The following ALCAM variants were observed in gnomAD, a reference collection of about 807,000 sequenced individuals.
ALCAM encodes the protein CD166 antigen.
ALCAM carries 30 observed loss-of-function variants against 70.9 expected under a neutral mutation model. That is an observed-to-expected ratio of 0.42 (90% CI 0.32 to 0.57). The LOEUF (loss-of-function observed/expected upper bound fraction) is 0.57, where lower values mean the gene tolerates loss of function less well. Among genes scored for constraint, ALCAM ranks in the 20% least tolerant of loss-of-function variants. ALCAM has a pLI of 0.11. For synonymous variants in ALCAM, 249 were observed against 242.5 expected (o/e 1.03, Z -0.25); for missense variants, 591 against 695.1 (o/e 0.85, Z 1.68).
At chr3:105,529,709 G>A (rs1447432532) in intron 3 of ALCAM, among the ~76,000 whole-genome samples, 1 of 151,944 alleles carries the variant, frequency 6.6e-6, no homozygotes, top group Non-Finnish European at 1.5e-5. Context: ...TCATTTCATT[G>A]AAAAAATAAG....
chr3:105,443,472 T>C (rs977563681), intron 1 of ALCAM, among the ~76,000 whole-genome samples: 4 of 152,140 alleles, frequency 2.6e-5, no homozygotes, highest in East Asian at 1.9e-4. Context: ...AATAAAACCA[T>C]AGGTATCTAA....
chr3:105,371,656 A>G (rs1329516708), intron 1 of ALCAM, among the ~76,000 whole-genome samples: 1 of 152,032 alleles, frequency 6.6e-6, no homozygotes, highest in African/African-American at 2.4e-5. Flanking sequence ...AGTATTTTAA[A>G]TGCTTTATAA....
At chr3:105,421,070 C>A (rs560478787) in intron 1 of ALCAM, among the ~76,000 whole-genome samples, 2 of 151,458 alleles carry the variant, frequency 1.3e-5, no homozygotes, top group East Asian at 3.9e-4. Flanking sequence ...ATTCCTCAGG[C>A]AGTACTTAAA....
chr3:105,373,344 C>T (rs749540771), intron 1 of ALCAM, among the ~76,000 whole-genome samples: 1 of 152,072 alleles, frequency 6.6e-6, no homozygotes, highest in Non-Finnish European at 1.5e-5. Flanking sequence ...GATGATTTCA[C>T]TAGAGAAGTT....
chr3:105,545,182 A>G (rs1334949455), intron 8 of ALCAM, 41 bp from the exon 9 acceptor site: 1 of 1,280,100 alleles, frequency 7.8e-7, no homozygotes. Context: ...ACTATCTTAC[A>G]TTTCAGAGTT....
intron 14 of ALCAM, among the ~76,000 whole-genome samples, chr3:105,569,927 A>C (rs886424093): frequency 6.6e-6 from 1 of 152,194 alleles, no homozygotes; most frequent in Admixed American, 6.5e-5. Context: ...CCTTAGGAAT[A>C]GGAGCAAGCC....
At position 105,576,619 on chromosome 3, in the gene ALCAM, G is replaced by GA. The variant is rs200272470; in HGVS notation, c.*2177dup. The GA allele has an allele frequency of 8.0e-5, 12 of 150,924 alleles. No individual in the cohort carries two copies. Among genetic ancestry groups the GA allele is most frequent in the South Asian group, 2.1e-4 (1 of 4,778 alleles). The allele number at this position is 150,924 out of a possible 1,614,324, so 9.3% of individuals were successfully genotyped here. On this transcript the variant is annotated 3_prime_UTR_variant, in exon 16 of 16. Transcript: ENST00000306107. The stretch of plus-strand genomic sequence containing the variant: ...GGACCGAAAGCAGAAAGTTTGCCGG[G>GA]AAAAAAAAAGACAACATTATTACCA...
intron 1 of ALCAM, among the ~76,000 whole-genome samples, chr3:105,466,414 G>A (rs184673732): frequency 1.8e-3 from 277 of 151,558 alleles, no homozygotes; most frequent in African/African-American, 5.6e-3. Flanking sequence ...TTTATTTAAC[G>A]ATTACTGATT....
At position 105,394,393 on chromosome 3, in the gene ALCAM, T is replaced by A. The variant is rs4894924; in HGVS notation, c.73+26912T>A. ...TATCTCCTGCAGAGCAAACACGTCATGATCTGGAAATGACTGCATTTCCTC... is the reference window on the plus strand; with the variant it reads ...TATCTCCTGCAGAGCAAACACGTCAAGATCTGGAAATGACTGCATTTCCTC... On this transcript the variant is annotated intron_variant, in intron 1 of 15. Coordinates refer to ENST00000306107, the MANE Select transcript of ALCAM (RefSeq NM_001627.4). Among the ~76,000 whole-genome samples the A allele has an allele frequency of 9.8e-3, 1,490 of 151,686 alleles. 13 individuals carry two copies. The highest frequency in any genetic ancestry group is 0.035 in the East Asian group (180 of 5,112).
At chr3:105,511,940 A>G (rs1218982008) in intron 1 of ALCAM, among the ~76,000 whole-genome samples, 1 of 151,960 alleles carries the variant, frequency 6.6e-6, no homozygotes, top group Non-Finnish European at 1.5e-5. Context: ...CTCAATTATA[A>G]CACAGCATTT....
intron 1 of ALCAM, among the ~76,000 whole-genome samples, chr3:105,509,994 A>G (rs1939192600): frequency 6.6e-6 from 1 of 152,006 alleles, no homozygotes; most frequent in South Asian, 2.1e-4. Flanking sequence ...GGAATTTCAT[A>G]GTCTACTAAT....
rs1230513782 is a variant in ALCAM, at chr3:105,543,523, T to TC, written c.992-1700_992-1699insC. Among the ~76,000 whole-genome samples the TC allele has an allele frequency of 5.5e-4, 83 of 151,518 alleles. 1 individual carries two copies. The South Asian group carries it at 0.011, about 19-fold the overall frequency. On this transcript the variant is annotated intron_variant, in intron 8 of 15. Transcript: ENST00000306107. ...GCTTGCTTATTTTCCAAAAACAAGA[T>TC]TTGTTTCCTTTTCAAACATGTCTAA...
chr3:105,538,036 AT>A (rs1445108594), intron 6 of ALCAM, among the ~76,000 whole-genome samples: 2 of 152,244 alleles, frequency 1.3e-5, no homozygotes, highest in East Asian at 3.9e-4. Context: ...AGGCTAAGGA[AT>A]TTTTATTTTT....
intron 1 of ALCAM, among the ~76,000 whole-genome samples, chr3:105,468,329 T>C (rs1191889229): frequency 6.6e-6 from 1 of 151,298 alleles, no homozygotes; most frequent in East Asian, 1.9e-4. Context: ...TAATCAATCA[T>C]TGGTTCATTG....
At chr3:105,472,198 G>C (rs1225681406) in intron 1 of ALCAM, among the ~76,000 whole-genome samples, 2 of 151,028 alleles carry the variant, frequency 1.3e-5, no homozygotes, top group Admixed American at 6.6e-5. Flanking sequence ...TTCTTTGTTT[G>C]TTTGTTTTTT....
At chr3:105,514,720 T>G (rs1939333167) in intron 1 of ALCAM, among the ~76,000 whole-genome samples, 1 of 151,956 alleles carries the variant, frequency 6.6e-6, no homozygotes, top group South Asian at 2.1e-4. Flanking sequence ...TGAAGATTAT[T>G]CCACAGTGGC....
At chr3:105,552,334 TA>T in intron 13 of ALCAM, 133 bp from the exon 14 acceptor site, 3 of 1,304,566 alleles carry the variant, frequency 2.3e-6, no homozygotes, top group Non-Finnish European at 3.2e-6. Flanking sequence ...TTTTACCCTT[TA>T]AAAATCACAA....
rs1460961206 is a variant in ALCAM, at chr3:105,524,293, A to C, written c.179A>C (p.Lys60Thr). ...TATTATTATTTTAATTTTTAGGAAAAGCCCGATGGCTCCCCAGTATTTATT... is the reference window on the plus strand; with the variant it reads ...TATTATTATTTTAATTTTTAGGAAACGCCCGATGGCTCCCCAGTATTTATT... ...NLMFGKWKYE[K>T]PDGSPVFIAF... Residue 60 changes from lysine to threonine, a missense_variant, in exon 3 of 16, where the codon AAG (lysine) becomes ACG (threonine). Physicochemically the swap from Lys to Thr is moderately conservative, Grantham distance 78. Around this residue, in one of 2 missense-constraint regions of ALCAM, gnomAD observed 427 missense variants for 450.4 expected, o/e 0.95. Transcript: ENST00000306107. The C allele has an allele frequency of 1.2e-6, 2 of 1,611,708 alleles. No individual in the cohort carries two copies. Among genetic ancestry groups the C allele is most frequent in the Admixed American group, 3.3e-5 (2 of 59,708 alleles).
At chr3:105,546,924 T>G (rs553268431) in intron 9 of ALCAM, among the ~76,000 whole-genome samples, 3 of 151,540 alleles carry the variant, frequency 2.0e-5, no homozygotes, top group Admixed American at 6.6e-5. Flanking sequence ...CTTTCCAAAT[T>G]ATAAATTCAG....
Sources: allele counts gnomAD v4.1 joint callset (sites outside exome capture counted in the v4.1 genomes callset), GRCh38; gene constraint gnomAD v4.1.1; regional missense constraint gnomAD v4.1.1; transcripts MANE v1.5; gene names NCBI Gene and HGNC (gene_info 2026-07-23, HGNC 2026-07-21).